ULK4: variants seen among roughly 807,000 people sequenced by gnomAD.
ULK4 encodes the protein unc-51 like kinase 4.
A neutral mutation model predicts 160.6 loss-of-function variants in ULK4; 133 were observed. The ratio of observed to expected loss-of-function variants is 0.83; its 90% CI spans 0.72 to 0.96. The LOEUF (loss-of-function observed/expected upper bound fraction) is 0.96. Among genes scored for constraint, ULK4 ranks in the 40% least tolerant of loss-of-function variants. The pLI, the probability that ULK4 is intolerant of heterozygous loss-of-function variation, is 0.00. For synonymous variants in ULK4, 534 were observed against 539.8 expected (o/e 0.99, Z 0.15); for missense variants, 1,580 against 1,499.5 (o/e 1.05, Z -0.89).
intron 32 of ULK4, among the ~76,000 whole-genome samples, chr3:41,497,950 A>G (rs1297013531): frequency 1.3e-5 from 2 of 152,224 alleles, no homozygotes; most frequent in African/African-American, 2.4e-5. Flanking sequence ...AAAACCCATC[A>G]TAACTGGAGA....
rs568676357 is a variant in ULK4, at chr3:41,650,610, C to T, written c.3071+12997G>A. 1.4e-4 allele frequency among the ~76,000 whole-genome samples: 21 copies of T among 152,340 alleles called. 1 individual carries two copies. The South Asian group carries it at 4.3e-3, about 32-fold the overall frequency. On this transcript the variant is annotated intron_variant, in intron 30 of 36. Transcript: ENST00000301831. ...ACAGACCCCATGCTCACTCACACAC[C>T]CCATGCCACTATGTGCCTGGCTGGC...
At chr3:41,565,988 A>C in intron 32 of ULK4, 37 bp downstream of exon 32, 14 of 1,563,316 alleles carry the variant, frequency 9.0e-6, no homozygotes, top group Non-Finnish European at 1.2e-5. Context: ...ATGAATAGGC[A>C]AAACTTGATC....
chr3:41,691,298 G>C (rs1244489572), intron 27 of ULK4, among the ~76,000 whole-genome samples: 1 of 151,936 alleles, frequency 6.6e-6, no homozygotes, highest in African/African-American at 2.4e-5. Flanking sequence ...GGGGGAAAGA[G>C]ATGCAGACCC....
intron 32 of ULK4, among the ~76,000 whole-genome samples, chr3:41,527,802 T>G (rs2086171886): frequency 6.6e-6 from 1 of 152,258 alleles, no homozygotes; most frequent in Non-Finnish European, 1.5e-5. Flanking sequence ...CACTTTTCTT[T>G]TAGCACACAT....
intron 30 of ULK4, among the ~76,000 whole-genome samples, chr3:41,624,055 G>A (rs532646342): frequency 1.3e-5 from 2 of 152,306 alleles, no homozygotes; most frequent in Non-Finnish European, 2.9e-5. Flanking sequence ...GGTGACAAAT[G>A]TTAAGTTCAT....
chr3:41,930,130 A>G (rs1575969435), intron 5 of ULK4, among the ~76,000 whole-genome samples: 1 of 152,142 alleles, frequency 6.6e-6, no homozygotes, highest in African/African-American at 2.4e-5. Flanking sequence ...GTACTGGTAC[A>G]AAAACAGATA....
intron 27 of ULK4, among the ~76,000 whole-genome samples, chr3:41,692,112 C>T (rs376046382): frequency 6.6e-6 from 1 of 151,350 alleles, no homozygotes; most frequent in African/African-American, 2.4e-5. Flanking sequence ...CCACCGCCCC[C>T]GGCTAATTTT....
intron 30 of ULK4, among the ~76,000 whole-genome samples, chr3:41,659,468 AC>A (rs1290619774): frequency 6.6e-6 from 1 of 152,224 alleles, no homozygotes; most frequent in Non-Finnish European, 1.5e-5. Context: ...ACATTCCTTG[AC>A]CATATGAAGT....
intron 20 of ULK4, among the ~76,000 whole-genome samples, chr3:41,795,753 T>C (rs1217030692): frequency 2.0e-5 from 3 of 152,156 alleles, no homozygotes; most frequent in Non-Finnish European, 2.9e-5. Context: ...GAAGTTCATT[T>C]TGTGTGGAGA....
At chr3:41,883,487 G>A (rs996376709) in intron 17 of ULK4, among the ~76,000 whole-genome samples, 18 of 152,128 alleles carry the variant, frequency 1.2e-4, no homozygotes, top group South Asian at 2.1e-4. Context: ...TCTTTCATAC[G>A]AAAACACTAC....
rs553532213 is a variant in ULK4 at position 41,705,150 on chromosome 3, T to A, written c.2688A>T (p.Gly896=). 1.2e-6 allele frequency: 2 copies of A among 1,613,200 alleles called. No homozygotes were observed. The highest frequency in any genetic ancestry group is 4.5e-5 in the East Asian group (2 of 44,852). The change falls in exon 27 of 37, where the codon GGA becomes GGT. Residue 896 remains glycine (G), a splice_region_variant and synonymous_variant. Coordinates refer to ENST00000301831, the MANE Select transcript of ULK4 (RefSeq NM_017886.4). ...TGATAAATTCTTCTGATGCTGTCAGTCCTAGAAATACAGTTAATTATTATA... is the reference window on the plus strand; with the variant it reads ...TGATAAATTCTTCTGATGCTGTCAGACCTAGAAATACAGTTAATTATTATA... ...SGETNIDGAI[G]LTASEEFIKI... is the part of the protein sequence containing the mutation.
intron 35 of ULK4, among the ~76,000 whole-genome samples, chr3:41,302,604 A>C (rs1006294653): frequency 1.3e-5 from 2 of 152,242 alleles, no homozygotes; most frequent in African/African-American, 4.8e-5. Context: ...AAAGTTCTTC[A>C]AATATTTACA....
chr3:41,692,515 ATAC>A (rs1484789941), intron 27 of ULK4, among the ~76,000 whole-genome samples: 2 of 151,760 alleles, frequency 1.3e-5, no homozygotes, highest in East Asian at 1.9e-4. Context: ...ATATTTATAT[ATAC>A]TACTATATGC....
chr3:41,630,972 A>G (rs939182148), intron 30 of ULK4, among the ~76,000 whole-genome samples: 1 of 152,230 alleles, frequency 6.6e-6, no homozygotes, highest in African/African-American at 2.4e-5. Flanking sequence ...TAGTGGACCA[A>G]GGACAGTCAT....
At chr3:41,838,375 G>A (rs566458120) in intron 17 of ULK4, among the ~76,000 whole-genome samples, 5 of 152,230 alleles carry the variant, frequency 3.3e-5, no homozygotes, top group South Asian at 2.1e-4. Flanking sequence ...AGGGTAAAGG[G>A]ATGAAAAGGA....
chr3:41,290,542 A>G (rs1485106708), intron 35 of ULK4, among the ~76,000 whole-genome samples: 3 of 151,886 alleles, frequency 2.0e-5, no homozygotes, highest in Non-Finnish European at 4.4e-5. Flanking sequence ...CCCCTCAATG[A>G]TCCCTTTTTG....
At chr3:41,580,269 T>C (rs1478614263) in intron 31 of ULK4, among the ~76,000 whole-genome samples, 2 of 152,094 alleles carry the variant, frequency 1.3e-5, no homozygotes, top group African/African-American at 4.8e-5. Flanking sequence ...TTCAGGAACA[T>C]CCATACATCA....
At chr3:41,352,854 C>A (rs932209409) in intron 35 of ULK4, among the ~76,000 whole-genome samples, 1 of 152,138 alleles carries the variant, frequency 6.6e-6, no homozygotes, top group East Asian at 1.9e-4. Flanking sequence ...GAAGCGTGAA[C>A]CTTCAAGGTC....
At chr3:41,319,031 A>C (rs1228167328) in intron 35 of ULK4, among the ~76,000 whole-genome samples, 3 of 152,248 alleles carry the variant, frequency 2.0e-5, no homozygotes, top group Non-Finnish European at 4.4e-5. Context: ...AGATATGATT[A>C]ACTGTAAAAC....
Sources: gnomAD v4.1 joint callset for allele counts (sites outside exome capture counted in the v4.1 genomes callset) on GRCh38, gnomAD v4.1.1 for gene constraint, MANE v1.5 for transcripts, NCBI Gene and HGNC (gene_info 2026-07-23, HGNC 2026-07-21) for gene names.